The following ARHGAP24 variants were observed in gnomAD, a reference collection of about 807,000 sequenced individuals.
ARHGAP24 encodes Rho GTPase activating protein 24.
In ARHGAP24, 50 loss-of-function variants were observed where a neutral mutation model predicts 76.4. The ratio of observed to expected loss-of-function variants is 0.65; its 90% CI spans 0.52 to 0.83. The LOEUF (loss-of-function observed/expected upper bound fraction) is 0.83, where lower values mean the gene tolerates loss of function less well. ARHGAP24 is among the 40% of genes least tolerant of loss of function. ARHGAP24 has a pLI of 0.00. For synonymous variants in ARHGAP24, 345 were observed against 323.3 expected (o/e 1.07, Z -0.72); for missense variants, 930 against 914.2 (o/e 1.02, Z -0.22).
At chr4:85,849,484 T>G (rs1240802986) in intron 3 of ARHGAP24, among the ~76,000 whole-genome samples, 32 of 152,146 alleles carry the variant, frequency 2.1e-4, no homozygotes, top group African/African-American at 7.0e-4. Flanking sequence ...CCAACACTAT[T>G]TTGAATAGGA....
intron 1 of ARHGAP24, among the ~76,000 whole-genome samples, chr4:85,567,456 C>A (rs1196781632): frequency 6.6e-6 from 1 of 152,142 alleles, no homozygotes; most frequent in Non-Finnish European, 1.5e-5. Context: ...ATCAAATGAT[C>A]AGTTTTCTGT....
intron 5 of ARHGAP24, among the ~76,000 whole-genome samples, chr4:85,966,739 C>A (rs1241754300): frequency 6.6e-6 from 1 of 152,074 alleles, no homozygotes; most frequent in Non-Finnish European, 1.5e-5. Flanking sequence ...CATGTACGTT[C>A]TCCCTGGAGG....
chr4:85,957,841 T>C (rs1738011801), intron 5 of ARHGAP24, among the ~76,000 whole-genome samples: 1 of 152,238 alleles, frequency 6.6e-6, no homozygotes, highest in Non-Finnish European at 1.5e-5. Flanking sequence ...ATATTTTATG[T>C]GGGACAGGGT....
chr4:85,649,686 CA>C (rs1476817791), intron 2 of ARHGAP24, among the ~76,000 whole-genome samples: 1 of 151,930 alleles, frequency 6.6e-6, no homozygotes, highest in African/African-American at 2.4e-5. Flanking sequence ...GAAACTAGAC[CA>C]GTCCAATAAA....
At chr4:85,492,651 C>A (rs1437843101) in intron 1 of ARHGAP24, among the ~76,000 whole-genome samples, 4 of 152,162 alleles carry the variant, frequency 2.6e-5, no homozygotes, top group African/African-American at 4.8e-5. Flanking sequence ...GATTTACTAT[C>A]AAAGAGAGTC....
At chr4:85,844,655 G>T (rs1449954249) in intron 3 of ARHGAP24, among the ~76,000 whole-genome samples, 1 of 152,092 alleles carries the variant, frequency 6.6e-6, no homozygotes. Context: ...ATAATGATTT[G>T]GATGTGTCCC....
chr4:85,980,723 C>G (rs1430243676), intron 8 of ARHGAP24, among the ~76,000 whole-genome samples: 1 of 152,168 alleles, frequency 6.6e-6, no homozygotes, highest in East Asian at 1.9e-4. Flanking sequence ...TAGAGATTCT[C>G]AAAATATAAT....
At chr4:85,676,849 A>G (rs981656408) in intron 2 of ARHGAP24, among the ~76,000 whole-genome samples, 1 of 152,238 alleles carries the variant, frequency 6.6e-6, no homozygotes, top group African/African-American at 2.4e-5. Flanking sequence ...GTTTTGAAGT[A>G]CAATAGCATG....
At chr4:85,970,445 G>T (rs1399776561) in intron 5 of ARHGAP24, among the ~76,000 whole-genome samples, 2 of 152,034 alleles carry the variant, frequency 1.3e-5, no homozygotes, top group Non-Finnish European at 2.9e-5. Flanking sequence ...CCTTGACTAG[G>T]GTACAAGTAG....
chr4:85,709,660 C>T (rs1202107343), intron 2 of ARHGAP24, among the ~76,000 whole-genome samples: 2 of 152,110 alleles, frequency 1.3e-5, no homozygotes, highest in Admixed American at 1.3e-4. Flanking sequence ...ATCTCCTTCA[C>T]CTGATATACA....
At chr4:85,549,303 C>T (rs1463460627) in intron 1 of ARHGAP24, among the ~76,000 whole-genome samples, 3 of 150,262 alleles carry the variant, frequency 2.0e-5, no homozygotes. Flanking sequence ...ATTTCATATC[C>T]TCATCAACAT....
At position 85,973,226 on chromosome 4, in the gene ARHGAP24, A is replaced by G. The variant is rs6839595; in HGVS notation, c.732+1058A>G. Among the ~76,000 whole-genome samples, 111 of 152,268 alleles carry G rather than the reference A, an allele frequency of 7.3e-4. 1 individual carries two copies. The highest frequency in any genetic ancestry group is 2.6e-3 in the African/African-American group (108 of 41,552). On this transcript the variant is annotated intron_variant, in intron 6 of 9. Transcript: ENST00000395184. ...TGTCGTTTTTATCTTAGCCATCCTA[A>G]CACGAGTAAAGTCGTATCTCATTGA...
intron 2 of ARHGAP24, among the ~76,000 whole-genome samples, chr4:85,627,804 C>T (rs2869374): frequency 0.064 from 9,776 of 152,240 alleles, 1,030 homozygotes; most frequent in African/African-American, 0.22. Context: ...GCCTGGCTGC[C>T]GCCTTGCAGT....
intron 3 of ARHGAP24, among the ~76,000 whole-genome samples, chr4:85,910,750 A>G (rs1228749000): frequency 2.6e-5 from 4 of 151,982 alleles, no homozygotes; most frequent in Non-Finnish European, 5.9e-5. Flanking sequence ...TGGGCCTCAG[A>G]GGGTTGGAAG....
chr4:85,529,301 A>C (rs1387550583), intron 1 of ARHGAP24, among the ~76,000 whole-genome samples: 1 of 152,050 alleles, frequency 6.6e-6, no homozygotes, highest in East Asian at 1.9e-4. Flanking sequence ...AGTCTGATTA[A>C]ATAAAGCACC....
At chr4:85,730,270 A>G (rs1274082411) in intron 3 of ARHGAP24, among the ~76,000 whole-genome samples, 2 of 152,180 alleles carry the variant, frequency 1.3e-5, no homozygotes, top group Non-Finnish European at 2.9e-5. Flanking sequence ...AGCATGAAAA[A>G]CATGTCCCAT....
chr4:85,650,421 A>G (rs1721891744), intron 2 of ARHGAP24, among the ~76,000 whole-genome samples: 1 of 149,466 alleles, frequency 6.7e-6, no homozygotes, highest in African/African-American at 2.6e-5. Context: ...TAGGTTTATC[A>G]CTAACCCAAT....
intron 1 of ARHGAP24, among the ~76,000 whole-genome samples, chr4:85,526,493 T>G (rs1273628174): frequency 6.6e-6 from 1 of 152,014 alleles, no homozygotes; most frequent in East Asian, 1.9e-4. Context: ...TGCAGAAAAC[T>G]TAGTGATTTG....
At chr4:85,849,842 C>T (rs1017745835) in intron 3 of ARHGAP24, among the ~76,000 whole-genome samples, 6 of 152,146 alleles carry the variant, frequency 3.9e-5, no homozygotes, top group African/African-American at 7.2e-5. Context: ...CTGCTGGATT[C>T]GGTTTTCCAG....
Sources: gnomAD v4.1 joint callset for allele counts (sites outside exome capture counted in the v4.1 genomes callset) on GRCh38, gnomAD v4.1.1 for gene constraint, MANE v1.5 for transcripts, NCBI Gene and HGNC (gene_info 2026-07-23, HGNC 2026-07-21) for gene names.